Variants in ZC3H12B observed in about 807,000 individuals in gnomAD.
ZC3H12B encodes the protein probable ribonuclease ZC3H12B.
In ZC3H12B, 7 loss-of-function variants were observed where a neutral mutation model predicts 43.9. That is an observed-to-expected ratio of 0.16 (90% CI 0.09 to 0.30). The LOEUF (loss-of-function observed/expected upper bound fraction) is 0.30. ZC3H12B is among the 10% of genes least tolerant of loss of function. The pLI is 1.00. For synonymous variants in ZC3H12B, 222 were observed against 241.7 expected (o/e 0.92, Z 0.76); for missense variants, 475 against 670.2 (o/e 0.71, Z 3.22).
the ZC3H12B span, among the ~76,000 whole-genome samples, chrX:65,227,257 C>G: frequency 9.0e-6 from 1 of 111,551 alleles, no homozygotes; most frequent in Admixed American, 9.5e-5. Flanking sequence ...TACATGGAAA[C>G]TGAACAACCT....
At chrX:65,259,173 G>C in the ZC3H12B span, among the ~76,000 whole-genome samples, 1 of 111,731 alleles carries the variant, frequency 9.0e-6, no homozygotes, top group Non-Finnish European at 1.9e-5. Context: ...TTACTACAAG[G>C]CAACAATAAT....
the ZC3H12B span, among the ~76,000 whole-genome samples, chrX:65,141,099 T>C: frequency 9.0e-6 from 1 of 110,988 alleles, no homozygotes; most frequent in African/African-American, 3.2e-5. Context: ...CCTTCTACAA[T>C]GGGTTTTTTA....
the ZC3H12B span, among the ~76,000 whole-genome samples, chrX:65,118,032 C>CT: frequency 9.0e-6 from 1 of 111,592 alleles, no homozygotes; most frequent in African/African-American, 3.3e-5. Flanking sequence ...TTAGGATTGT[C>CT]TTGGCAATGT....
At chrX:65,200,262 G>A in the ZC3H12B span, among the ~76,000 whole-genome samples, 10 of 110,785 alleles carry the variant, frequency 9.0e-5, no homozygotes, top group South Asian at 3.0e-3. Context: ...CTTTTGAGAA[G>A]TGTCTGTGCA....
At chrX:65,429,029 G>A (rs2067117728) in intron 3 of ZC3H12B, among the ~76,000 whole-genome samples, 2 of 112,062 alleles carry the variant, frequency 1.8e-5, no homozygotes, top group South Asian at 7.5e-4. Flanking sequence ...GTTTGCTGGA[G>A]TTCCACTCCA....
At chrX:65,192,044 T>C in the ZC3H12B span, among the ~76,000 whole-genome samples, 1 of 110,523 alleles carries the variant, frequency 9.0e-6, no homozygotes, top group African/African-American at 3.3e-5. Context: ...ATTTCTGCCT[T>C]CATTTCATTA....
intron 3 of ZC3H12B, among the ~76,000 whole-genome samples, chrX:65,430,836 C>T (rs1343515138): frequency 9.0e-6 from 1 of 110,990 alleles, no homozygotes; most frequent in Non-Finnish European, 1.9e-5. Flanking sequence ...CATGTTACTC[C>T]CAGGTGGGCC....
chrX:65,372,749 T>A (rs1199173593), intron 2 of ZC3H12B, among the ~76,000 whole-genome samples: 1 of 112,211 alleles, frequency 8.9e-6, no homozygotes, highest in Non-Finnish European at 1.9e-5. Context: ...ATGGGGAAAC[T>A]GAGGTTTGGA....
chrX:65,128,302 T>G, the ZC3H12B span, among the ~76,000 whole-genome samples: 26 of 112,432 alleles, frequency 2.3e-4, no homozygotes, highest in Non-Finnish European at 3.8e-4. Context: ...TTATTTCTCC[T>G]GAGATTTTCT....
the ZC3H12B span, among the ~76,000 whole-genome samples, chrX:65,239,833 A>T: frequency 1.8e-5 from 2 of 111,701 alleles, no homozygotes; most frequent in African/African-American, 6.5e-5. Context: ...TCACTTGTGA[A>T]GCTTAGTTTG....
the ZC3H12B span, among the ~76,000 whole-genome samples, chrX:65,055,146 G>A: frequency 9.0e-6 from 1 of 111,274 alleles, no homozygotes; most frequent in African/African-American, 3.3e-5. Flanking sequence ...GTGAGAGAGG[G>A]CATCCCTGTC....
chrX:65,230,784 G>A, the ZC3H12B span, among the ~76,000 whole-genome samples: 1 of 111,061 alleles, frequency 9.0e-6, no homozygotes, highest in Non-Finnish European at 1.9e-5. Flanking sequence ...AAATGCTTAA[G>A]GGAATTCTGG....
chrX:65,106,223 G>A, the ZC3H12B span, among the ~76,000 whole-genome samples: 1 of 111,629 alleles, frequency 9.0e-6, no homozygotes, highest in East Asian at 2.8e-4. Context: ...ATGGTCTCAT[G>A]GGCATCCACT....
At chrX:65,443,319 G>A (rs932319969) in intron 3 of ZC3H12B, among the ~76,000 whole-genome samples, 4 of 110,716 alleles carry the variant, frequency 3.6e-5, no homozygotes, top group Non-Finnish European at 7.6e-5. Context: ...CTGGATTCGA[G>A]CCCCCACGAA....
chrX:65,413,147 T>C (rs1445667252), intron 3 of ZC3H12B, among the ~76,000 whole-genome samples: 1 of 111,546 alleles, frequency 9.0e-6, no homozygotes, highest in Non-Finnish European at 1.9e-5. Context: ...AATCGGGCTG[T>C]TTGTCCTTTT....
the ZC3H12B span, among the ~76,000 whole-genome samples, chrX:65,323,196 G>A: frequency 7.1e-5 from 8 of 112,103 alleles, no homozygotes; most frequent in African/African-American, 2.6e-4. Flanking sequence ...AATTTAAGTG[G>A]TGAGAGTTGG....
At chrX:65,166,880 G>A in the ZC3H12B span, among the ~76,000 whole-genome samples, 1 of 110,256 alleles carries the variant, frequency 9.1e-6, no homozygotes, top group African/African-American at 3.4e-5. Flanking sequence ...CCCACTTTTT[G>A]ATGCAGTTAT....
chrX:65,309,415 G>T, the ZC3H12B span, among the ~76,000 whole-genome samples: 5 of 111,567 alleles, frequency 4.5e-5, no homozygotes, highest in Non-Finnish European at 9.4e-5. Context: ...ATAAATTCCT[G>T]GACACATACA....
the ZC3H12B span, among the ~76,000 whole-genome samples, chrX:65,065,442 T>C: frequency 1.8e-5 from 2 of 112,287 alleles, no homozygotes; most frequent in African/African-American, 6.5e-5. Context: ...TTGAAAATTC[T>C]TTTCTTCTAG....
Sources: gnomAD v4.1 joint callset for allele counts (sites outside exome capture counted in the v4.1 genomes callset) on GRCh38, gnomAD v4.1.1 for gene constraint, MANE v1.5 for transcripts, NCBI Gene and HGNC (gene_info 2026-07-23, HGNC 2026-07-21) for gene names.